Variants in MLF1 observed in about 807,000 individuals in gnomAD.
MLF1 encodes the protein myelodysplasia-myeloid leukemia factor 1.
Under a neutral mutation model 38.3 loss-of-function variants are expected in MLF1, and 37 were observed. The ratio of observed to expected loss-of-function variants is 0.96; its 90% CI spans 0.74 to 1.27. The LOEUF (loss-of-function observed/expected upper bound fraction) is 1.27, where lower values mean the gene tolerates loss of function less well. MLF1 is among the 50% of genes most tolerant of loss of function. The probability of loss-of-function intolerance (pLI) is 0.00; values close to 1 mark genes in which losing one functional copy is unlikely to be tolerated. For missense variants in MLF1, 331 were observed against 349.2 expected, an observed-to-expected ratio of 0.95 and a Z score of 0.42; for synonymous variants, 95 against 106.5, an observed-to-expected ratio of 0.89 and a Z score of 0.66.
intron 1 of MLF1, among the ~76,000 whole-genome samples, chr3:158,571,589 G>C (rs1273343629): frequency 7.5e-6 from 1 of 133,792 alleles, no homozygotes; most frequent in Non-Finnish European, 1.6e-5. Flanking sequence ...GTTTGGACGC[G>C]TGAGGTAGGC....
rs1720379119 is a variant in MLF1 at position 158,605,282 on chromosome 3, C to T, written c.*80C>T. 1.8e-6 allele frequency: 2 copies of T among 1,089,234 alleles called. No individual in the cohort carries two copies. Among genetic ancestry groups the T allele is most frequent in the Non-Finnish European group, 1.3e-6 (1 of 750,568 alleles). 67.5% of individuals were successfully genotyped at this position (1,089,234 alleles called of 1,614,324 possible). On this transcript the variant is annotated 3_prime_UTR_variant, in exon 8 of 8. Transcript: ENST00000466246. Reference sequence around the variant, plus strand: ...GCTGGGTAATAAGCATAAGACCAATCTCTTGCTGTTAAATCAGTTCTGTCC... The same window carrying T: ...GCTGGGTAATAAGCATAAGACCAATTTCTTGCTGTTAAATCAGTTCTGTCC...
Position 158,605,153 on chromosome 3 carries a change from G to A in MLF1, c.803G>A (p.Gly268Glu). Residue 268 changes from glycine to glutamate, a missense_variant, in exon 8 of 8, where the codon GGG (glycine) becomes GAG (glutamate). By Grantham distance (98) the Gly-to-Glu change is moderately conservative. Coordinates refer to ENST00000466246, the MANE Select transcript of MLF1 (RefSeq NM_001369783.1). ...IEHGRRSNVLGDKLHIKGSSV... is the reference protein window; with the variant it reads ...IEHGRRSNVLEDKLHIKGSSV... ...CATGGAAGGAGATCAAATGTTTTGG[G>A]GGACAAACTCCACATCAAAGGCTCA... is the stretch of plus-strand genomic sequence containing the variant. 6.2e-7 allele frequency: 1 copy of A among 1,613,612 alleles called. No homozygotes were observed. Among genetic ancestry groups the A allele is most frequent in the Non-Finnish European group, 8.5e-7 (1 of 1,179,824 alleles).
At chr3:158,585,181 GA>G (rs1056395557) in intron 1 of MLF1, among the ~76,000 whole-genome samples, 2 of 152,104 alleles carry the variant, frequency 1.3e-5, no homozygotes. Context: ...TGGGAGGGTG[GA>G]TCCTTCATTA....
chr3:158,591,409 C>T (rs1394725147), intron 1 of MLF1, among the ~76,000 whole-genome samples: 2 of 152,056 alleles, frequency 1.3e-5, no homozygotes, highest in African/African-American at 4.8e-5. Flanking sequence ...ATCCACCTGA[C>T]TCAGCCTCCC....
intron 1 of MLF1, among the ~76,000 whole-genome samples, chr3:158,578,902 C>G (rs953289871): frequency 6.6e-5 from 10 of 152,038 alleles, no homozygotes; most frequent in African/African-American, 2.2e-4. Context: ...TTTTTATTTT[C>G]CAAAATTCGG....
intron 1 of MLF1, among the ~76,000 whole-genome samples, chr3:158,574,527 AT>A (rs780691410): frequency 0.11 from 15,363 of 143,950 alleles, 1,049 homozygotes; most frequent in South Asian, 0.21. Context: ...AAAAAAAAAA[AT>A]ACAAAATTAG....
chr3:158,597,752 G>A (rs926429333), intron 4 of MLF1, among the ~76,000 whole-genome samples: 1 of 152,130 alleles, frequency 6.6e-6, no homozygotes, highest in Non-Finnish European at 1.5e-5. Context: ...AGGTTTGGGG[G>A]CATAGCATCT....
intron 1 of MLF1, among the ~76,000 whole-genome samples, chr3:158,576,033 T>G (rs1468210223): frequency 6.6e-6 from 1 of 152,196 alleles, no homozygotes; most frequent in Non-Finnish European, 1.5e-5. Context: ...AATATTTAAG[T>G]AAAAAGTAAT....
intron 6 of MLF1, among the ~76,000 whole-genome samples, chr3:158,601,424 C>A (rs541443668): frequency 4.6e-5 from 7 of 152,080 alleles, no homozygotes; most frequent in South Asian, 2.1e-4. Context: ...AAAAATTAGC[C>A]GGGCATGGTG....
chr3:158,598,441 CT>C (rs1294337350), intron 5 of MLF1, among the ~76,000 whole-genome samples: 1 of 149,082 alleles, frequency 6.7e-6, no homozygotes, highest in East Asian at 2.0e-4. Flanking sequence ...GTGAGGGTGC[CT>C]TTTTTCATGT....
chr3:158,604,886 T>G (rs1476866754), intron 7 of MLF1, among the ~76,000 whole-genome samples: 2 of 152,106 alleles, frequency 1.3e-5, no homozygotes, highest in Admixed American at 6.5e-5. Flanking sequence ...CTCGATCTCT[T>G]AACTTGTGAT....
intron 1 of MLF1, among the ~76,000 whole-genome samples, chr3:158,584,374 C>G (rs1022725113): frequency 6.6e-6 from 1 of 152,058 alleles, no homozygotes; most frequent in Non-Finnish European, 1.5e-5. Flanking sequence ...TAAGGCTAAC[C>G]AGATTAATTA....
chr3:158,602,955 A>C lies in MLF1; in HGVS notation c.746+16A>C. 1 of 1,596,254 alleles carries C rather than the reference A, an allele frequency of 6.3e-7. No homozygotes were observed. The highest frequency in any genetic ancestry group is 1.1e-5 in the South Asian group (1 of 88,372). On this transcript the variant is annotated intron_variant, in intron 7 of 7. Transcript: ENST00000466246. Reference sequence around the variant, plus strand: ...TTAAAAGAAGGTAAAAGTTGTTTCTAAAATAGTTTGGTTTTTTAAGAAGAA... The same window carrying C: ...TTAAAAGAAGGTAAAAGTTGTTTCTCAAATAGTTTGGTTTTTTAAGAAGAA...
At chr3:158,587,739 G>C (rs974055965) in intron 1 of MLF1, among the ~76,000 whole-genome samples, 1 of 152,128 alleles carries the variant, frequency 6.6e-6, no homozygotes, top group African/African-American at 2.4e-5. Context: ...GGTGGCCCAC[G>C]CCCGTAATCC....
intron 6 of MLF1, 95 bp from the exon 7 acceptor site, chr3:158,602,712 A>G (rs1719974925): frequency 7.9e-7 from 1 of 1,261,230 alleles, no homozygotes; most frequent in Non-Finnish European, 1.1e-6. Flanking sequence ...TACACTAATG[A>G]AAACACCAGA....
At chr3:158,573,496 G>A (rs1714898790) in intron 1 of MLF1, 1 of 150,842 alleles carries the variant, frequency 6.6e-6, no homozygotes, top group South Asian at 2.1e-4. Context: ...GCCCTAGAAA[G>A]AAGGCATCCA....
At chr3:158,571,379 C>T in intron 1 of MLF1, 32 bp downstream of exon 1, 8 of 1,612,258 alleles carry the variant, frequency 5.0e-6, no homozygotes, top group East Asian at 2.2e-5. Context: ...TCCGGGGTCG[C>T]GCGGGAATTA....
At position 158,596,927 on chromosome 3, in the gene MLF1, GA is replaced by G; in HGVS notation, c.309del (p.Lys103AsnfsTer2). 1 of 1,605,702 alleles carries G rather than the reference GA, an allele frequency of 6.2e-7. No individual in the cohort carries two copies. Among genetic ancestry groups the G allele is most frequent in the Non-Finnish European group, 8.5e-7 (1 of 1,174,204 alleles). On this transcript the variant is annotated frameshift_variant, in exon 4 of 8. Transcript: ENST00000466246. LOFTEE classifies it high-confidence loss of function. ...MVSNMRNYMQ[K>X]LERNFGQLSV... is the part of the protein sequence containing the mutation. The stretch of plus-strand genomic sequence containing the variant: ...TGTCAAATATGAGAAACTATATGCA[GA>G]AATTAGAAAGAAACTTCGTAAGTAC...
intron 5 of MLF1, among the ~76,000 whole-genome samples, chr3:158,599,291 A>C (rs963263606): frequency 6.6e-6 from 1 of 152,170 alleles, no homozygotes; most frequent in Non-Finnish European, 1.5e-5. Context: ...TTTCCAAGCT[A>C]CTATCCCAGT....
Sources: allele counts gnomAD v4.1 joint callset (sites outside exome capture counted in the v4.1 genomes callset), GRCh38; gene constraint gnomAD v4.1.1; transcripts MANE v1.5; gene names NCBI Gene and HGNC (gene_info 2026-07-23, HGNC 2026-07-21).